Variants in ZFP36L2 observed in about 807,000 individuals in gnomAD.
The protein encoded by ZFP36L2 is ZFP36 like 2 zinc finger CCCH-type.
Under a neutral mutation model 27.9 loss-of-function variants are expected in ZFP36L2, and 16 were observed. The ratio of observed to expected loss-of-function variants is 0.57; its 90% confidence interval spans 0.39 to 0.87. ZFP36L2 has a LOEUF of 0.87. ZFP36L2 is among the 40% of genes least tolerant of loss of function. The pLI is 0.00. For missense variants in ZFP36L2, 989 were observed against 726.9 expected (o/e 1.36, Z -4.15); for synonymous variants, 600 against 363.8 (o/e 1.65, Z -7.39).
Position 43,224,115 on chromosome 2 carries a change from A to AG in ZFP36L2, c.*203_*204insC, listed in dbSNP as rs977161699. The AG allele has an allele frequency of 7.2e-6, 3 of 419,468 alleles. No homozygotes were observed. The highest frequency in any genetic ancestry group is 1.2e-5 in the Non-Finnish European group (3 of 244,738). 26.0% of individuals were successfully genotyped at this position (419,468 alleles called of 1,614,324 possible). A position where few individuals can be genotyped will look rare whatever the true frequency, so the allele number is the denominator to read the frequency against. On this transcript the variant is annotated 3_prime_UTR_variant, in exon 2 of 2. Coordinates refer to ENST00000282388, the MANE Select transcript of ZFP36L2 (RefSeq NM_006887.5). ...ACTTCGTAATAAAAATAAAAAAAAA[A>AG]AGACAAGAGGAAACCGAAAAAGGAG...
Position 43,224,774 on chromosome 2 carries a change from G to A in ZFP36L2, c.1030C>T (p.Leu344=). The A allele has an allele frequency of 4.1e-6, 6 of 1,474,184 alleles. No individual in the cohort carries two copies. The highest frequency in any genetic ancestry group is 2.9e-5 in the East Asian group (1 of 34,970). The allele number at this position is 1,474,184 out of a possible 1,614,324, so 91.3% of individuals were successfully genotyped here. The change falls in exon 2 of 2, where the codon CTG becomes TTG. Residue 344 remains leucine (L), a synonymous_variant. Transcript: ENST00000282388. Reference sequence around the variant, plus strand: ...GCCGCGCACGGGGCCCCCGGCGCCAGCAGGTCCTCGGCGCCCCCGGTGCCG... The same window carrying A: ...GCCGCGCACGGGGCCCCCGGCGCCAACAGGTCCTCGGCGCCCCCGGTGCCG... ...LYGTGGAEDL[L]APGAPCAACS... is the part of the protein sequence containing the mutation.
Position 43,225,018 on chromosome 2 carries a change from G to A in ZFP36L2, c.786C>T (p.Gly262=). The A allele has an allele frequency of 6.3e-7, 1 of 1,594,144 alleles. No individual in the cohort carries two copies. The highest frequency in any genetic ancestry group is 8.5e-7 in the Non-Finnish European group (1 of 1,178,254). The change falls in exon 2 of 2, where the codon GGC becomes GGT. Residue 262 remains glycine (G), a synonymous_variant. Transcript: ENST00000282388. ...GGGGCTGATGGTGGCCCGACGGGAA[G>A]CCCGAGAAGCTGAGGCTGTGGTGCA... The part of the protein sequence containing the change: ...PKLHHSLSFS[G]FPSGHHQPPG...
In ZFP36L2 at chr2:43,223,020, T is replaced by TA. The variant is rs1667001494; in HGVS notation, c.*1298dup. ...TTTTGCTAGTTTATAAAGTTGGAAT[T>TA]AGAAAAGCATGCCACATTTCAGCCT... On this transcript the variant is annotated 3_prime_UTR_variant, in exon 2 of 2. Coordinates refer to ENST00000282388, the MANE Select transcript of ZFP36L2 (RefSeq NM_006887.5). 1 of 152,326 alleles carries TA rather than the reference T, an allele frequency of 6.6e-6. No homozygotes were observed. Among genetic ancestry groups the TA allele is most frequent in the African/African-American group, 2.4e-5 (1 of 41,446 alleles). 9.4% of individuals were successfully genotyped at this position (152,326 alleles called of 1,614,324 possible).
In ZFP36L2 at chr2:43,224,860, G is replaced by A. The variant is rs1017746835; in HGVS notation, c.944C>T (p.Pro315Leu). The A allele has an allele frequency of 6.1e-6, 9 of 1,486,970 alleles. No individual in the cohort carries two copies. Among genetic ancestry groups the A allele is most frequent in the South Asian group, 2.6e-5 (2 of 78,138 alleles). 92.1% of individuals were successfully genotyped at this position (1,486,970 alleles called of 1,614,324 possible). Reference sequence around the variant, plus strand: ...GGCGCAGCATGTCGGGGCGCCCGAGGGCGTGGAGGCCGCGGAGGCCGAGGA... The same window carrying A: ...GGCGCAGCATGTCGGGGCGCCCGAGAGCGTGGAGGCCGCGGAGGCCGAGGA... ...SCSSASAAST[P>L]SGAPTCCASA... Residue 315 changes from proline to leucine, a missense_variant, in exon 2 of 2, where the codon CCC becomes CTC. Coordinates refer to ENST00000282388, the MANE Select transcript of ZFP36L2 (RefSeq NM_006887.5).
At position 43,224,501 on chromosome 2, in the gene ZFP36L2, G is replaced by T; in HGVS notation, c.1303C>A (p.Arg435Ser). Reference protein sequence around the residue: ...PSPPFSFQLPRRLSDSPVFDA... With the variant: ...PSPPFSFQLPSRLSDSPVFDA... ...AACACGGGCGAGTCGGACAGGCGGC[G>T]CGGCAGCTGGAAGCTGAAGGGCGGC... Residue 435 changes from arginine (R) to serine (S), a missense_variant, in exon 2 of 2, where the codon CGC becomes AGC. Coordinates refer to ENST00000282388, the MANE Select transcript of ZFP36L2 (RefSeq NM_006887.5). The T allele has an allele frequency of 6.7e-7, 1 of 1,493,404 alleles. No individual in the cohort carries two copies. The allele number at this position is 1,493,404 out of a possible 1,614,324, so 92.5% of individuals were successfully genotyped here.
Position 43,224,504 on chromosome 2 carries a change from G to A in ZFP36L2, c.1300C>T (p.Pro434Ser), listed in dbSNP as rs1237971879. 4 of 1,491,280 alleles carry A rather than the reference G, an allele frequency of 2.7e-6. No individual in the cohort carries two copies. Among genetic ancestry groups the A allele is most frequent in the Non-Finnish European group, 3.6e-6 (4 of 1,126,100 alleles). 92.4% of individuals were successfully genotyped at this position (1,491,280 alleles called of 1,614,324 possible). The change falls in exon 2 of 2, where the codon CCG becomes TCG. Residue 434 changes from proline to serine, a missense_variant. By Grantham distance (74) the Pro-to-Ser change is moderately conservative. Transcript: ENST00000282388. ...PPSPPFSFQL[P>S]RRLSDSPVFD... ...ACGGGCGAGTCGGACAGGCGGCGCGGCAGCTGGAAGCTGAAGGGCGGCGAG... is the reference window on the plus strand; with the variant it reads ...ACGGGCGAGTCGGACAGGCGGCGCGACAGCTGGAAGCTGAAGGGCGGCGAG...
rs1666998801 is a variant in ZFP36L2, at chr2:43,222,940, CATGTCTTTATACTCGAGT to C, written c.*1361_*1378del. 6.6e-6 allele frequency: 1 copy of C among 152,232 alleles called. No homozygotes were observed. Among genetic ancestry groups the C allele is most frequent in the African/African-American group, 2.4e-5 (1 of 41,402 alleles). The allele number at this position is 152,232 out of a possible 1,614,324, so 9.4% of individuals were successfully genotyped here. A position where few individuals can be genotyped will look rare whatever the true frequency, so the allele number is the denominator to read the frequency against. ...CCCCCCCCACTCCCCGTTATTGCTACATGTCTTTATACTCGAGTATGTCACAGTAGAACTGGTGGAATA... is the reference window on the plus strand; with the variant it reads ...CCCCCCCCACTCCCCGTTATTGCTACATGTCACAGTAGAACTGGTGGAATA... On this transcript the variant is annotated 3_prime_UTR_variant, in exon 2 of 2. Coordinates refer to ENST00000282388, the MANE Select transcript of ZFP36L2 (RefSeq NM_006887.5).
chr2:43,225,759 A>G lies in ZFP36L2; in HGVS notation c.52-7T>C. 6.3e-7 allele frequency: 1 copy of G among 1,585,680 alleles called. No individual in the cohort carries two copies. Among genetic ancestry groups the G allele is most frequent in the Non-Finnish European group, 8.5e-7 (1 of 1,174,208 alleles). On this transcript the variant is annotated splice_region_variant and splice_polypyrimidine_tract_variant and intron_variant, in intron 1 of 1. Transcript: ENST00000282388. The stretch of plus-strand genomic sequence containing the variant: ...TGGCCAGGGATTTCTCTGTCTGCCA[A>G]AGGGAGGGGAGCGGGGAAGGGATGA...
chr2:43,225,670 C>T lies in ZFP36L2; in HGVS notation c.134G>A (p.Ser45Asn), dbSNP rs201970896. Residue 45 changes from serine (S) to asparagine (N), a missense_variant, in exon 2 of 2, where the codon AGC (serine) becomes AAC (asparagine). Transcript: ENST00000282388. ...GAGGAATCCCGGCGCGAAGCCCGAG[C>T]TGGGGGCGGCGGCCACAGGCGTCCC... ...AVGTPVAAAP[S>N]SGFAPGFLRR... 1.1e-4 allele frequency: 176 copies of T among 1,591,066 alleles called. 1 individual carries two copies. The African/African-American group carries it at 2.1e-3, about 19-fold the overall frequency.
rs1227314930 is a variant in ZFP36L2, at chr2:43,223,942, G to A, written c.*377C>T. 5.9e-6 allele frequency: 1 copy of A among 170,764 alleles called. No homozygotes were observed. Among genetic ancestry groups the A allele is most frequent in the African/African-American group, 2.4e-5 (1 of 41,622 alleles). The allele number at this position is 170,764 out of a possible 1,614,324, so 10.6% of individuals were successfully genotyped here. A position where few individuals can be genotyped will look rare whatever the true frequency, so the allele number is the denominator to read the frequency against. On this transcript the variant is annotated 3_prime_UTR_variant, in exon 2 of 2. Coordinates refer to ENST00000282388, the MANE Select transcript of ZFP36L2 (RefSeq NM_006887.5). ...GGTTGGTAGCTGCTGGTGCTGGGTT[G>A]ATTTTTCCTGAAGTCCCAAACTCAT...
Position 43,222,999 on chromosome 2 carries a change from G to A in ZFP36L2, c.*1320C>T, listed in dbSNP as rs9170. 15,689 of 152,186 alleles carry A rather than the reference G, an allele frequency of 0.1. 870 individuals are homozygous for A. The highest frequency in any genetic ancestry group is 0.13 in the Admixed American group (2,054 of 15,256). The allele number at this position is 152,186 out of a possible 1,614,324, so 9.4% of individuals were successfully genotyped here. A position where few individuals can be genotyped will look rare whatever the true frequency, so the allele number is the denominator to read the frequency against. On this transcript the variant is annotated 3_prime_UTR_variant, in exon 2 of 2. Transcript: ENST00000282388. The stretch of plus-strand genomic sequence containing the variant: ...TGGTGGAATAAGCAAACACTTTTTT[G>A]CTAGTTTATAAAGTTGGAATTAGAA...
In ZFP36L2 at chr2:43,226,261, C is replaced by T. The variant is rs563686680; in HGVS notation, c.51+4G>A. 4 of 1,579,542 alleles carry T rather than the reference C, an allele frequency of 2.5e-6. No homozygotes were observed. The highest frequency in any genetic ancestry group is 3.6e-5 in the Admixed American group (2 of 55,606). On this transcript the variant is annotated splice_donor_region_variant and intron_variant, in intron 1 of 1. Coordinates refer to ENST00000282388, the MANE Select transcript of ZFP36L2 (RefSeq NM_006887.5). ...CTGCCGGCCGGGCCCGCTCCCTGGCCTACCTTGCACAAGAAGTCGACATCG... is the reference window on the plus strand; with the variant it reads ...CTGCCGGCCGGGCCCGCTCCCTGGCTTACCTTGCACAAGAAGTCGACATCG...
At position 43,225,660 on chromosome 2, in the gene ZFP36L2, G is replaced by A. The variant is rs776190667; in HGVS notation, c.144C>T (p.Phe48=). 2.5e-6 allele frequency: 4 copies of A among 1,587,232 alleles called. No individual in the cohort carries two copies. The highest frequency in any genetic ancestry group is 3.4e-5 in the Admixed American group (2 of 58,420). The part of the protein sequence containing the change: ...TPVAAAPSSG[F]APGFLRRHSA... ...AGTGCCGTCGGAGGAATCCCGGCGC[G>A]AAGCCCGAGCTGGGGGCGGCGGCCA... The change falls in exon 2 of 2, where the codon TTC becomes TTT. Residue 48 remains phenylalanine (F), a synonymous_variant. Transcript: ENST00000282388.
rs1404951132 is a variant in ZFP36L2, at chr2:43,222,662, T to C, written c.*1657A>G. 1 of 152,324 alleles carries C rather than the reference T, an allele frequency of 6.6e-6. No homozygotes were observed. The highest frequency in any genetic ancestry group is 2.4e-5 in the African/African-American group (1 of 41,442). 9.4% of individuals were successfully genotyped at this position (152,324 alleles called of 1,614,324 possible). ...AAAGCTTAGGAGACATTCCTGCCTT[T>C]CTACATGGAAAAAAAAATAGTACAA... is the stretch of plus-strand genomic sequence containing the variant. On this transcript the variant is annotated 3_prime_UTR_variant, in exon 2 of 2. Coordinates refer to ENST00000282388, the MANE Select transcript of ZFP36L2 (RefSeq NM_006887.5).
At position 43,224,820 on chromosome 2, in the gene ZFP36L2, C is replaced by G. The variant is rs3891207; in HGVS notation, c.984G>C (p.Ala328=). 1.3e-5 allele frequency: 18 copies of G among 1,420,688 alleles called. No homozygotes were observed. The highest frequency in any genetic ancestry group is 1.0e-4 in the South Asian group (7 of 68,074). The allele number at this position is 1,420,688 out of a possible 1,614,324, so 88.0% of individuals were successfully genotyped here. Reference sequence around the variant, plus strand: ...TGCCGTACAGCAGAGCGGCCGCAGCCGCGGCCGCCGCGGAGGCGCAGCATG... The same window carrying G: ...TGCCGTACAGCAGAGCGGCCGCAGCGGCGGCCGCCGCGGAGGCGCAGCATG... ...APTCCASAAA[A]AAAALLYGTG... is the part of the protein sequence containing the mutation. Residue 328 remains alanine (A), a synonymous_variant, in exon 2 of 2, where the codon GCG becomes GCC. Coordinates refer to ENST00000282388, the MANE Select transcript of ZFP36L2 (RefSeq NM_006887.5).
rs764116623 is a variant in ZFP36L2, at chr2:43,225,680, C to T, written c.124G>A (p.Ala42Thr). Reference sequence around the variant, plus strand: ...GGCGCGAAGCCCGAGCTGGGGGCGGCGGCCACAGGCGTCCCCACCGCCTTC... The same window carrying T: ...GGCGCGAAGCCCGAGCTGGGGGCGGTGGCCACAGGCGTCCCCACCGCCTTC... ...DKKAVGTPVAAAPSSGFAPGF... is the reference protein window; with the variant it reads ...DKKAVGTPVATAPSSGFAPGF... The change falls in exon 2 of 2, where the codon GCC becomes ACC. Residue 42 changes from alanine (A) to threonine (T), a missense_variant. Coordinates refer to ENST00000282388, the MANE Select transcript of ZFP36L2 (RefSeq NM_006887.5). 5.6e-6 allele frequency: 9 copies of T among 1,593,138 alleles called. No homozygotes were observed. Among genetic ancestry groups the T allele is most frequent in the Non-Finnish European group, 6.8e-6 (8 of 1,177,666 alleles).
At position 43,225,096 on chromosome 2, in the gene ZFP36L2, A is replaced by G. The variant is rs1219584671; in HGVS notation, c.708T>C (p.Phe236=). ...CCAGGTGCAACGCATCGCGCGTGCCAAAGGCACGCAGGTCCCCGGAGGCGC... is the reference window on the plus strand; with the variant it reads ...CCAGGTGCAACGCATCGCGCGTGCCGAAGGCACGCAGGTCCCCGGAGGCGC... ...SGGASGDLRA[F]GTRDALHLGF... Residue 236 remains phenylalanine (F), a synonymous_variant, in exon 2 of 2, where the codon TTT becomes TTC. Transcript: ENST00000282388. The G allele has an allele frequency of 1.3e-6, 2 of 1,593,426 alleles. No homozygotes were observed. Among genetic ancestry groups the G allele is most frequent in the South Asian group, 1.1e-5 (1 of 90,742 alleles).
Position 43,224,597 on chromosome 2 carries a change from G to C in ZFP36L2, c.1207C>G (p.Leu403Val). 4 of 1,405,924 alleles carry C rather than the reference G, an allele frequency of 2.8e-6. No individual in the cohort carries two copies. Among genetic ancestry groups the C allele is most frequent in the Admixed American group, 2.9e-5 (1 of 34,630 alleles). The allele number at this position is 1,405,924 out of a possible 1,614,324, so 87.1% of individuals were successfully genotyped here. A position where few individuals can be genotyped will look rare whatever the true frequency, so the allele number is the denominator to read the frequency against. ...RSQQQQQQQG[L>V]APPAQPPAPP... is the part of the protein sequence containing the mutation. ...GCCGGCGGCTGCGCGGGGGGCGCCA[G>C]GCCCTGCTGCTGCTGCTGCTGCTGA... Residue 403 changes from leucine to valine, a missense_variant, in exon 2 of 2, where the codon CTG becomes GTG. Physicochemically the swap from Leu to Val is conservative, Grantham distance 32. Transcript: ENST00000282388.
Position 43,225,034 on chromosome 2 carries a change from C to G in ZFP36L2, c.770G>C (p.Ser257Thr). ...PREPRPKLHH[S>T]LSFSGFPSGH... ...CGACGGGAAGCCCGAGAAGCTGAGG[C>G]TGTGGTGCAACTTGGGCCGCGGCTC... Residue 257 changes from serine (S) to threonine (T), a missense_variant, in exon 2 of 2, where the codon AGC becomes ACC. By Grantham distance (58) the Ser-to-Thr change is moderately conservative (BLOSUM62 1). Transcript: ENST00000282388. 1 of 1,595,642 alleles carries G rather than the reference C, an allele frequency of 6.3e-7. No individual in the cohort carries two copies.
Sources: allele counts gnomAD v4.1 joint callset, GRCh38; gene constraint gnomAD v4.1.1; transcripts MANE v1.5; gene names NCBI Gene and HGNC (gene_info 2026-07-23, HGNC 2026-07-21).